Variants in DNM3 observed in about 807,000 individuals in gnomAD.
The protein encoded by DNM3 is dynamin 3, also known as dynamin-3.
A neutral mutation model predicts 101.6 loss-of-function variants in DNM3; 47 were observed. That is an observed-to-expected ratio of 0.46 (90% CI 0.37 to 0.59). The LOEUF (loss-of-function observed/expected upper bound fraction) is 0.59, where lower values mean the gene tolerates loss of function less well. DNM3 is among the 20% of genes least tolerant of loss of function. The pLI is 0.00. For synonymous variants in DNM3, 385 were observed against 387.9 expected, an observed-to-expected ratio of 0.99 and a Z score of 0.09; for missense variants, 849 against 1,085.7, an observed-to-expected ratio of 0.78 and a Z score of 3.06.
At chr1:171,890,699 T>C (rs1368560044) in intron 1 of DNM3, among the ~76,000 whole-genome samples, 1 of 152,170 alleles carries the variant, frequency 6.6e-6, no homozygotes, top group African/African-American at 2.4e-5. Flanking sequence ...ATACTACTAA[T>C]AATAACCTTC....
chr1:172,026,624 A>C (rs1048018972), intron 4 of DNM3, among the ~76,000 whole-genome samples: 2 of 152,056 alleles, frequency 1.3e-5, no homozygotes, highest in Non-Finnish European at 2.9e-5. Context: ...GAAACCCTAC[A>C]AGCCAGAAGA....
intron 13 of DNM3, among the ~76,000 whole-genome samples, chr1:172,098,212 A>C (rs930895848): frequency 6.6e-6 from 1 of 152,184 alleles, no homozygotes. Context: ...TCATCTCTAC[A>C]GCTTCGACCG....
Position 172,253,702 on chromosome 1 carries a change from C to T in DNM3, c.1769+20C>T, listed in dbSNP as rs1280951012. 1.3e-6 allele frequency: 2 copies of T among 1,490,802 alleles called. No homozygotes were observed. Among genetic ancestry groups the T allele is most frequent in the African/African-American group, 2.8e-5 (2 of 71,094 alleles). The allele number at this position is 1,490,802 out of a possible 1,614,324, so 92.3% of individuals were successfully genotyped here. ...GCAAAGGTAAGAAATTGAAACAGTTCCTGTCTTCAGATTTTTTTCCTTGAA... is the reference window on the plus strand; with the variant it reads ...GCAAAGGTAAGAAATTGAAACAGTTTCTGTCTTCAGATTTTTTTCCTTGAA... On this transcript the variant is annotated intron_variant, in intron 15 of 20. Transcript: ENST00000627582.
At chr1:172,059,490 A>G (rs1435939916) in intron 10 of DNM3, among the ~76,000 whole-genome samples, 1 of 99,500 alleles carries the variant, frequency 1.0e-5, no homozygotes, top group Non-Finnish European at 1.9e-5. Flanking sequence ...CAAAAAGCTT[A>G]TCCACCATGA....
At chr1:172,397,350 A>G (rs2070093216) in intron 20 of DNM3, 1 of 152,614 alleles carries the variant, frequency 6.6e-6, no homozygotes, top group Non-Finnish European at 1.5e-5. Context: ...CCCGCCAAAT[A>G]CCTGGGTCTA....
At position 172,292,623 on chromosome 1, in the gene DNM3, A is replaced by ACACACACACG. The variant is rs1339308974; in HGVS notation, c.1770-16104_1770-16103insACACACACGC. ...ACTTCACACACACACACACACACAC[A>ACACACACACG]CGCGCGTGCGTATATTCCTTACACG... On this transcript the variant is annotated intron_variant, in intron 15 of 20. Coordinates refer to ENST00000627582, the MANE Select transcript of DNM3 (RefSeq NM_015569.5). 1.7e-3 allele frequency among the ~76,000 whole-genome samples: 248 copies of ACACACACACG among 147,870 alleles called. 1 individual carries two copies. Among genetic ancestry groups the ACACACACACG allele is most frequent in the South Asian group, 6.4e-3 (30 of 4,666 alleles).
intron 4 of DNM3, among the ~76,000 whole-genome samples, chr1:172,027,327 G>A (rs1056223371): frequency 6.6e-6 from 1 of 152,212 alleles, no homozygotes; most frequent in African/African-American, 2.4e-5. Context: ...GCTCACACCT[G>A]TAATCCCAGC....
At chr1:172,122,634 A>G (rs748913444) in intron 13 of DNM3, among the ~76,000 whole-genome samples, 37 of 152,198 alleles carry the variant, frequency 2.4e-4, no homozygotes, top group Non-Finnish European at 4.4e-4. Context: ...TCCTGTTAGG[A>G]AAATGGATTG....
chr1:172,056,313 G>T (rs1232554365), intron 10 of DNM3, among the ~76,000 whole-genome samples: 1 of 152,202 alleles, frequency 6.6e-6, no homozygotes, highest in African/African-American at 2.4e-5. Context: ...CAAAGCAGCA[G>T]GGAAGCTCGA....
chr1:171,966,114 C>T (rs763093511), intron 2 of DNM3, among the ~76,000 whole-genome samples: 21 of 152,146 alleles, frequency 1.4e-4, no homozygotes, highest in Admixed American at 3.9e-4. Context: ...TGTTGAAGTC[C>T]CCTTGCCCTC....
chr1:172,340,350 C>G (rs1041642844), intron 17 of DNM3, among the ~76,000 whole-genome samples: 3 of 152,202 alleles, frequency 2.0e-5, no homozygotes, highest in African/African-American at 4.8e-5. Flanking sequence ...GCTCTGTCCC[C>G]ATTGCTGGTC....
intron 17 of DNM3, among the ~76,000 whole-genome samples, chr1:172,347,425 A>G (rs2066996838): frequency 6.6e-6 from 1 of 152,176 alleles, no homozygotes; most frequent in Non-Finnish European, 1.5e-5. Flanking sequence ...AGAAATAAAA[A>G]GTTGTTTAAT....
intron 2 of DNM3, among the ~76,000 whole-genome samples, chr1:171,939,987 A>G (rs1369481669): frequency 1.3e-5 from 2 of 151,820 alleles, no homozygotes; most frequent in African/African-American, 2.4e-5. Context: ...TCCCCATGAT[A>G]CTCTTATTGA....
At chr1:172,386,255 AT>A (rs66642613) in intron 18 of DNM3, among the ~76,000 whole-genome samples, 71,868 of 150,730 alleles carry the variant, frequency 0.48, 20,114 homozygotes, top group East Asian at 0.87. Context: ...GATTGATGGT[AT>A]TTTTTTTTTG....
At chr1:172,084,439 A>G (rs16843801) in intron 12 of DNM3, among the ~76,000 whole-genome samples, 5,598 of 152,220 alleles carry the variant, frequency 0.037, 246 homozygotes, top group East Asian at 0.14. Context: ...TTAGCTGCTA[A>G]TATCATTATC....
chr1:172,025,200 G>A (rs2048115109), intron 4 of DNM3, among the ~76,000 whole-genome samples: 1 of 152,330 alleles, frequency 6.6e-6, no homozygotes, highest in South Asian at 2.1e-4. Flanking sequence ...TTCCAACTGG[G>A]TGGAGCCCAC....
At chr1:171,958,135 A>G (rs2042981778) in intron 2 of DNM3, among the ~76,000 whole-genome samples, 1 of 152,236 alleles carries the variant, frequency 6.6e-6, no homozygotes, top group African/African-American at 2.4e-5. Flanking sequence ...GCAGCAAACA[A>G]GAGAAGACAG....
In DNM3 at chr1:171,841,741, C is replaced by A; in HGVS notation, c.85C>A (p.Leu29Met). The change falls in exon 1 of 21, where the codon CTG becomes ATG. Residue 29 changes from leucine (L) to methionine (M), a missense_variant. Around this residue, in one of 5 missense-constraint regions of DNM3, gnomAD observed 388 missense variants for 483.0 expected, o/e 0.80. Coordinates refer to ENST00000627582, the MANE Select transcript of DNM3 (RefSeq NM_015569.5). ...AFSALGQSCL[L>M]ELPQIAVVGG... ...TTCGGCGCTGGGACAGAGCTGCCTG[C>A]TGGAGCTGCCGCAGATCGCCGTGGT... is the stretch of plus-strand genomic sequence containing the variant. The A allele has an allele frequency of 6.2e-7, 1 of 1,610,504 alleles. No individual in the cohort carries two copies. The highest frequency in any genetic ancestry group is 8.5e-7 in the Non-Finnish European group (1 of 1,179,170).
Position 172,039,207 on chromosome 1 carries a change from C to T in DNM3, c.992+746C>T, listed in dbSNP as rs184777669. 6.3e-4 allele frequency among the ~76,000 whole-genome samples: 96 copies of T among 152,218 alleles called. 3 individuals are homozygous for T. In the South Asian group the frequency reaches 0.013, roughly 20 times the overall value. On this transcript the variant is annotated intron_variant, in intron 7 of 20. Coordinates refer to ENST00000627582, the MANE Select transcript of DNM3 (RefSeq NM_015569.5). ...GCCACTTGTGTCAAGTCCCTCTCAA[C>T]AGGAAGGCTCCCCTGCCCAGCACAC...
Sources: allele counts gnomAD v4.1 joint callset (sites outside exome capture counted in the v4.1 genomes callset), GRCh38; gene constraint gnomAD v4.1.1; regional missense constraint gnomAD v4.1.1; transcripts MANE v1.5; gene names NCBI Gene and HGNC (gene_info 2026-07-23, HGNC 2026-07-21).